Variants in GDF1 observed in about 807,000 individuals in gnomAD.
GDF1 encodes embryonic growth/differentiation factor 1.
Under a neutral mutation model 7.4 loss-of-function variants are expected in GDF1, and 8 were observed. The observed-to-expected ratio is 1.09, with a 90% CI of 0.64 to 1.96. The LOEUF (loss-of-function observed/expected upper bound fraction) is 1.96, where lower values mean the gene tolerates loss of function less well. Ranked by LOEUF, GDF1 falls within the 30% of genes most tolerant of loss-of-function variation. The pLI is 0.00. For synonymous variants in GDF1, 311 were observed against 276.7 expected, an observed-to-expected ratio of 1.12 and a Z score of -1.23; for missense variants, 574 against 551.5, an observed-to-expected ratio of 1.04 and a Z score of -0.41.
At chr19:18,875,000 T>A (rs1160072453) in intron 6 of GDF1, among the ~76,000 whole-genome samples, 1 of 152,086 alleles carries the variant, frequency 6.6e-6, no homozygotes, top group Non-Finnish European at 1.5e-5. Context: ...TTTGGGAGGC[T>A]GAGGTGGGAG....
Position 18,879,236 on chromosome 19 carries a change from C to G in GDF1, c.-423+5G>C, listed in dbSNP as rs2056131909. 6.2e-7 allele frequency: 1 copy of G among 1,613,424 alleles called. No individual in the cohort carries two copies. The highest frequency in any genetic ancestry group is 8.5e-7 in the Non-Finnish European group (1 of 1,179,780). ...CACTGTGGAGGAGAGCCGGGGCCGA[C>G]TCACCAGGAACCAGTAGAGGTTCAT... On this transcript the variant is annotated splice_donor_5th_base_variant and intron_variant, in intron 5 of 7. Coordinates refer to ENST00000247005, the MANE Select transcript of GDF1 (RefSeq NM_001492.6).
chr19:18,885,588 C>T (rs1229611324), intron 2 of GDF1, among the ~76,000 whole-genome samples: 5 of 146,304 alleles, frequency 3.4e-5, no homozygotes, highest in Admixed American at 1.4e-4. Context: ...GGCGGGATCT[C>T]GGCTCACTGC....
chr19:18,873,533 C>T (rs958779486), intron 6 of GDF1, among the ~76,000 whole-genome samples: 2 of 151,678 alleles, frequency 1.3e-5, no homozygotes, highest in African/African-American at 2.4e-5. Flanking sequence ...CCCATCTCTA[C>T]AAAAATTTTA....
At chr19:18,869,911 G>A in intron 7 of GDF1, 72 bp downstream of exon 7, 2 of 1,452,156 alleles carry the variant, frequency 1.4e-6, no homozygotes, top group Non-Finnish European at 1.9e-6. Flanking sequence ...GGGCATCCCC[G>A]GGCCACTCTC....
rs1263413023 is a variant in GDF1, at chr19:18,895,279, G to A, written c.-1074+545C>T. Among the ~76,000 whole-genome samples, 3 of 152,184 alleles carry A rather than the reference G, an allele frequency of 2.0e-5. No individual in the cohort carries two copies. The highest frequency in any genetic ancestry group is 4.4e-5 in the Non-Finnish European group (3 of 68,024). The stretch of plus-strand genomic sequence containing the variant: ...CAGCGGGCAAGCCGGCCCCGCCGCC[G>A]CACGGACCCAGCAGAAAACGGGCAG... On this transcript the variant is annotated intron_variant, in intron 1 of 7. Transcript: ENST00000247005. This position sits in a 1 kb window ranked among gnomAD's most constrained non-coding sequence, Gnocchi z 6.4.
Position 18,893,579 on chromosome 19 carries a change from T to TG in GDF1, c.-1073-5dup. The TG allele has an allele frequency of 6.2e-7, 1 of 1,605,806 alleles. No individual in the cohort carries two copies. The highest frequency in any genetic ancestry group is 8.5e-7 in the Non-Finnish European group (1 of 1,177,136). Reference sequence around the variant, plus strand: ...GGCAGCACCGCTTCGCCAGGGGCTATGGGGGAGAAGACAGGCGGGCAGCCA... The same window carrying TG: ...GGCAGCACCGCTTCGCCAGGGGCTATGGGGGGAGAAGACAGGCGGGCAGCCA... On this transcript the variant is annotated splice_polypyrimidine_tract_variant and splice_region_variant and intron_variant, in intron 1 of 7. Transcript: ENST00000247005.
At chr19:18,879,523 C>T in intron 4 of GDF1, 135 bp from the exon 5 acceptor site, 1 of 1,065,556 alleles carries the variant, frequency 9.4e-7, no homozygotes, top group Non-Finnish European at 1.3e-6. Flanking sequence ...GTTTCTACTA[C>T]TGCTCTGTCC....
intron 6 of GDF1, among the ~76,000 whole-genome samples, chr19:18,877,016 G>A (rs947128668): frequency 1.3e-5 from 2 of 152,096 alleles, no homozygotes; most frequent in Non-Finnish European, 2.9e-5. Context: ...GCATCCTGAC[G>A]GGCTCTTTTG....
chr19:18,875,831 AGCAAT>A (rs1316064374), intron 6 of GDF1, among the ~76,000 whole-genome samples: 4 of 152,316 alleles, frequency 2.6e-5, no homozygotes, highest in Admixed American at 2.6e-4. Context: ...CTGAGACTGG[AGCAAT>A]GCAGCCATAA....
intron 6 of GDF1, among the ~76,000 whole-genome samples, chr19:18,872,345 T>C (rs1357382563): frequency 6.6e-6 from 1 of 152,190 alleles, no homozygotes; most frequent in Non-Finnish European, 1.5e-5. Flanking sequence ...GTTATCTTTT[T>C]TTCTTGTTTT....
chr19:18,877,997 T>A (rs1463005377), intron 6 of GDF1: 1 of 985,032 alleles, frequency 1.0e-6, no homozygotes, highest in African/African-American at 1.8e-5. Context: ...GGGTGGGGGG[T>A]CTGACGCTCC....
rs2056618110 is a variant in GDF1 at position 18,896,002 on chromosome 19, T to G, written c.-1252A>C. 1 of 1,017,972 alleles carries G rather than the reference T, an allele frequency of 9.8e-7. No individual in the cohort carries two copies. The highest frequency in any genetic ancestry group is 5.7e-5 in the Admixed American group (1 of 17,426). 63.1% of individuals were successfully genotyped at this position (1,017,972 alleles called of 1,614,324 possible). ...CGCCAGCGCGCTGCCCCAGCCGCGC[T>G]GCACTAGCTGCGCGTAGCTCGGCAT... On this transcript the variant is annotated 5_prime_UTR_variant, in exon 1 of 8. Coordinates refer to ENST00000247005, the MANE Select transcript of GDF1 (RefSeq NM_001492.6). The surrounding 1 kb of genome is among the most constrained non-coding windows in gnomAD (Gnocchi z 5.9).
At chr19:18,891,121 C>CAA (rs879696067) in intron 2 of GDF1, among the ~76,000 whole-genome samples, 6 of 99,764 alleles carry the variant, frequency 6.0e-5, no homozygotes, top group African/African-American at 7.6e-5. Context: ...GAGACTGTCT[C>CAA]AAAAAAAAAA....
intron 3 of GDF1, 71 bp from the exon 4 acceptor site, chr19:18,880,506 C>T: frequency 2.1e-6 from 3 of 1,431,708 alleles, no homozygotes; most frequent in South Asian, 1.4e-5. Flanking sequence ...CTAAGGCCCC[C>T]AGCAGAGTCC....
At chr19:18,876,535 G>A (rs1371984609) in intron 6 of GDF1, among the ~76,000 whole-genome samples, 1 of 66,744 alleles carries the variant, frequency 1.5e-5, no homozygotes, top group Non-Finnish European at 2.8e-5. Context: ...TTTTGATTGG[G>A]TTGTGTGTGT....
At chr19:18,892,916 T>G (rs1162923222) in intron 2 of GDF1, among the ~76,000 whole-genome samples, 1 of 146,052 alleles carries the variant, frequency 6.8e-6, no homozygotes, top group Non-Finnish European at 1.6e-5. Flanking sequence ...TACACTGTTC[T>G]TTTTTTCTTT....
At position 18,879,083 on chromosome 19, in the gene GDF1, C is replaced by T. The variant is rs377420924; in HGVS notation, c.-422-44G>A. The T allele has an allele frequency of 4.2e-5, 68 of 1,603,780 alleles. No homozygotes were observed. In the African/African-American group the frequency reaches 5.9e-4, roughly 14 times the overall value. ...GGTGCCAGTGAGAAGAAAGCCCCCACGCCACTGCCCTGCTGACAGCCATGT... is the reference window on the plus strand; with the variant it reads ...GGTGCCAGTGAGAAGAAAGCCCCCATGCCACTGCCCTGCTGACAGCCATGT... On this transcript the variant is annotated intron_variant, in intron 5 of 7. Transcript: ENST00000247005.
rs756070538 is a variant in GDF1 at position 18,868,565 on chromosome 19, ATTG to A, written c.*29_*31del. The A allele has an allele frequency of 2.3e-5, 35 of 1,499,274 alleles. No homozygotes were observed. The East Asian group carries it at 2.5e-4, about 11-fold the overall frequency. The allele number at this position is 1,499,274 out of a possible 1,614,324, so 92.9% of individuals were successfully genotyped here. On this transcript the variant is annotated 3_prime_UTR_variant, in exon 8 of 8. Coordinates refer to ENST00000247005, the MANE Select transcript of GDF1 (RefSeq NM_001492.6). ...CAGCGGAGCAGACCACGCGGCATTT[ATTG>A]TTGGGCCCGCGTCCCTGCCCGCCCC...
chr19:18,893,876 G>C (rs1397488523), intron 1 of GDF1, among the ~76,000 whole-genome samples: 2 of 151,798 alleles, frequency 1.3e-5, no homozygotes, highest in African/African-American at 4.8e-5. Context: ...TGAGGGAGAC[G>C]GATGGATGCG....
Sources: gnomAD v4.1 joint callset for allele counts (sites outside exome capture counted in the v4.1 genomes callset) on GRCh38, gnomAD v4.1.1 for gene constraint, Gnocchi (gnomAD v3.1) non-coding constraint, MANE v1.5 for transcripts, NCBI Gene and HGNC (gene_info 2026-07-23, HGNC 2026-07-21) for gene names.